Variants in NASP observed in about 807,000 individuals in gnomAD.
The protein encoded by NASP is nuclear autoantigenic sperm protein, also known as NASP histone chaperone.
A neutral mutation model predicts 89.5 loss-of-function variants in NASP; 24 were observed. That is an observed-to-expected ratio of 0.27 (90% CI 0.19 to 0.38). NASP has a LOEUF of 0.38. NASP is among the 10% of genes least tolerant of loss of function. The pLI, the probability that NASP is intolerant of heterozygous loss-of-function variation, is 1.00. For missense variants in NASP, 848 were observed against 921.4 expected, an observed-to-expected ratio of 0.92 and a Z score of 1.03; for synonymous variants, 306 against 324.7, an observed-to-expected ratio of 0.94 and a Z score of 0.62.
chr1:45,607,977 G>T lies in NASP; in HGVS notation c.1066G>T (p.Ala356Ser). 6.2e-7 allele frequency: 1 copy of T among 1,614,122 alleles called. No individual in the cohort carries two copies. Among genetic ancestry groups the T allele is most frequent in the Non-Finnish European group, 8.5e-7 (1 of 1,180,000 alleles). ...GACAACAGAGGCTGCAGAGGCCTCA[G>T]CTGTAGAGGCTGGATCAGAAGTCTC... ...EVTTEAAEAS[A>S]VEAGSEVSEK... The change falls in exon 6 of 15, where the codon GCT (alanine) becomes TCT (serine). Residue 356 changes from alanine (A) to serine (S), a missense_variant. Ala to Ser is a moderately conservative substitution (Grantham distance 99). Coordinates refer to ENST00000350030, the MANE Select transcript of NASP (RefSeq NM_002482.4).
chr1:45,587,234 G>T (rs866748243), intron 1 of NASP, among the ~76,000 whole-genome samples: 5 of 151,352 alleles, frequency 3.3e-5, no homozygotes, highest in Admixed American at 1.3e-4. Context: ...CACCCAGGCT[G>T]GAGTGCAGTG....
chr1:45,602,155 A>T, intron 2 of NASP, 100 bp from the exon 3 acceptor site: 1 of 1,443,192 alleles, frequency 6.9e-7, no homozygotes, highest in Non-Finnish European at 9.2e-7. Flanking sequence ...AGAGTAGTCC[A>T]AAAGTTTTAA....
At chr1:45,593,986 G>A (rs1643621754) in intron 2 of NASP, among the ~76,000 whole-genome samples, 1 of 151,608 alleles carries the variant, frequency 6.6e-6, no homozygotes, top group African/African-American at 2.4e-5. Context: ...CTATGATCCT[G>A]CCACTGCACT....
chr1:45,588,073 C>T (rs867992084), intron 1 of NASP, among the ~76,000 whole-genome samples: 1 of 151,686 alleles, frequency 6.6e-6, no homozygotes, highest in Non-Finnish European at 1.5e-5. Flanking sequence ...AACCCCGTCT[C>T]TACTAAAAAT....
intron 2 of NASP, among the ~76,000 whole-genome samples, chr1:45,598,970 A>C (rs552221327): frequency 1.2e-4 from 19 of 152,280 alleles, no homozygotes; most frequent in African/African-American, 4.6e-4. Context: ...CATTTGCTTC[A>C]CCTCTTTCAT....
intron 6 of NASP, chr1:45,612,226 G>C (rs750915849): frequency 6.6e-6 from 1 of 152,110 alleles, no homozygotes; most frequent in African/African-American, 2.4e-5. Flanking sequence ...TGTGGTTGCT[G>C]CTGATAAAAC....
chr1:45,617,079 G>A (rs932129477), intron 13 of NASP, among the ~76,000 whole-genome samples: 2 of 152,118 alleles, frequency 1.3e-5, no homozygotes, highest in East Asian at 1.9e-4. Flanking sequence ...TGCTGACCTC[G>A]TGATCCACCC....
At position 45,607,890 on chromosome 1, in the gene NASP, A is replaced by C. The variant is rs948382063; in HGVS notation, c.979A>C (p.Lys327Gln). 6.2e-7 allele frequency: 1 copy of C among 1,614,154 alleles called. No individual in the cohort carries two copies. Among genetic ancestry groups the C allele is most frequent in the Non-Finnish European group, 8.5e-7 (1 of 1,180,012 alleles). The change falls in exon 6 of 15, where the codon AAG becomes CAG. Residue 327 changes from lysine (K) to glutamine (Q), a missense_variant. Around this residue, in one of 5 missense-constraint regions of NASP, gnomAD observed 464 missense variants for 469.4 expected, o/e 0.99. Coordinates refer to ENST00000350030, the MANE Select transcript of NASP (RefSeq NM_002482.4). The stretch of plus-strand genomic sequence containing the variant: ...AGTTACCTCTGAAAACGAGGCAGGA[A>C]AGGCGGTTCTTGAACAACTGGTAGG... ...KVVTSENEAG[K>Q]AVLEQLVGQE...
At chr1:45,591,969 C>G (rs1447462025) in intron 2 of NASP, among the ~76,000 whole-genome samples, 1 of 152,154 alleles carries the variant, frequency 6.6e-6, no homozygotes, top group Non-Finnish European at 1.5e-5. Flanking sequence ...TGTAGGCATG[C>G]ACCACCACAT....
At chr1:45,605,776 T>G (rs1643900264) in intron 4 of NASP, 1 of 13,636 alleles carries the variant, frequency 7.3e-5, no homozygotes, top group Admixed American at 6.9e-4. Flanking sequence ...TCTGATAAGT[T>G]TTTTTTTTTT....
chr1:45,613,240 G>A lies in NASP; in HGVS notation c.1498G>A (p.Glu500Lys), dbSNP rs756421064. Residue 500 changes from glutamate to lysine, a missense_variant, in exon 7 of 15, where the codon GAA becomes AAA. Physicochemically the swap from Glu to Lys is moderately conservative, Grantham distance 56. This residue lies in a region of NASP where 464 missense variants were observed against 469.4 expected (regional missense o/e 0.99). Coordinates refer to ENST00000350030, the MANE Select transcript of NASP (RefSeq NM_002482.4). ...TEEMPNDSVL[E>K]NKSLQENEEE... ...AGAAATGCCAAATGATTCAGTCCTT[G>A]AAAACAAGGTATGTTGTTAGCCACT... 66 of 1,610,586 alleles carry A rather than the reference G, an allele frequency of 4.1e-5. No homozygotes were observed. The highest frequency in any genetic ancestry group is 2.0e-4 in the East Asian group (9 of 44,772).
In NASP at chr1:45,607,721, AGAG is replaced by A. The variant is rs1643932628; in HGVS notation, c.814_816del (p.Glu272del). 1 of 1,614,088 alleles carries A rather than the reference AGAG, an allele frequency of 6.2e-7. No homozygotes were observed. On this transcript the variant is annotated inframe_deletion, in exon 6 of 15. Coordinates refer to ENST00000350030, the MANE Select transcript of NASP (RefSeq NM_002482.4). ...AGCAGGGAGAGGTAATTGTGAGCAT[AGAG>A]GAGAAGCCAAAAGAAGTTTCAGAAG...
intron 4 of NASP, chr1:45,605,565 T>C (rs775115759): frequency 1.3e-5 from 2 of 150,648 alleles, no homozygotes; most frequent in African/African-American, 2.5e-5. Flanking sequence ...CGGGTTCAAG[T>C]GATTCTTCTG....
rs1644128403 is a variant in NASP at position 45,617,568 on chromosome 1, G to A, written c.2263G>A (p.Val755Ile). Residue 755 changes from valine to isoleucine, a missense_variant, in exon 14 of 15, where the codon GTT becomes ATT. This residue lies in a region of NASP where 218 missense variants were observed against 219.6 expected (regional missense o/e 0.99). Transcript: ENST00000350030. The part of the protein sequence containing the change: ...SGDAVPSGNE[V>I]SENMEEEAEN... ...GGATGCTGTCCCCAGTGGAAATGAA[G>A]TTTCGGAAAACATGGAGGAGGAGGT... 1 of 1,596,656 alleles carries A rather than the reference G, an allele frequency of 6.3e-7. No individual in the cohort carries two copies.
chr1:45,608,747 A>G (rs1168484962), intron 6 of NASP, among the ~76,000 whole-genome samples: 1 of 152,166 alleles, frequency 6.6e-6, no homozygotes, highest in Non-Finnish European at 1.5e-5. Flanking sequence ...GGATTTTAAA[A>G]TTATTGTTCA....
rs79391961 is a variant in NASP, at chr1:45,606,055, C to T, written c.300-427C>T. ...CCTCCCAAAGTGATGGGATTATAGG[C>T]GTGAGCCACCGTGCCTGGTCTCTGG... is the stretch of plus-strand genomic sequence containing the variant. On this transcript the variant is annotated intron_variant, in intron 4 of 14. Coordinates refer to ENST00000350030, the MANE Select transcript of NASP (RefSeq NM_002482.4). Among the ~76,000 whole-genome samples, 192 of 152,278 alleles carry T rather than the reference C, an allele frequency of 1.3e-3. 1 individual carries two copies. In the East Asian group the frequency reaches 0.013, roughly 10 times the overall value.
chr1:45,613,052 T>G, intron 6 of NASP, 117 bp from the exon 7 acceptor site: 2 of 1,379,778 alleles, frequency 1.4e-6, no homozygotes, highest in Non-Finnish European at 1.9e-6. Context: ...TTAACTCACT[T>G]GGATTAGCAT....
intron 13 of NASP, among the ~76,000 whole-genome samples, 182 bp downstream of exon 13, chr1:45,616,885 C>T (rs916194440): frequency 1.3e-5 from 2 of 152,264 alleles, no homozygotes; most frequent in East Asian, 1.9e-4. Flanking sequence ...TGCTCTGTCA[C>T]CCAGGCTGGA....
At chr1:45,593,526 G>A (rs1221150568) in intron 2 of NASP, among the ~76,000 whole-genome samples, 2 of 111,602 alleles carry the variant, frequency 1.8e-5, no homozygotes, top group Non-Finnish European at 3.6e-5. Context: ...GAGTGAGACT[G>A]TCCCCCCCCA....
Sources: gnomAD v4.1 joint callset for allele counts (sites outside exome capture counted in the v4.1 genomes callset) on GRCh38, gnomAD v4.1.1 for gene constraint, gnomAD v4.1.1 regional missense constraint, MANE v1.5 for transcripts, NCBI Gene and HGNC (gene_info 2026-07-23, HGNC 2026-07-21) for gene names.